The following NRIP1 variants were observed in gnomAD, a reference collection of about 807,000 sequenced individuals.
The protein encoded by NRIP1 is nuclear receptor interacting protein 1.
In NRIP1, 28 loss-of-function variants were observed where a neutral mutation model predicts 75.0. That is an observed-to-expected ratio of 0.37 (90% CI 0.28 to 0.51). The LOEUF (loss-of-function observed/expected upper bound fraction) is 0.51, where lower values mean the gene tolerates loss of function less well. NRIP1 is among the 20% of genes least tolerant of loss of function. NRIP1 has a pLI of 0.92. For missense variants in NRIP1, 1,435 were observed against 1,343.7 expected, an observed-to-expected ratio of 1.07 and a Z score of -1.06; for synonymous variants, 526 against 487.6, an observed-to-expected ratio of 1.08 and a Z score of -1.04.
intron 2 of NRIP1, among the ~76,000 whole-genome samples, chr21:15,019,955 C>T (rs911558003): frequency 6.6e-6 from 1 of 152,028 alleles, no homozygotes; most frequent in African/African-American, 2.4e-5. Flanking sequence ...CATGTGCACT[C>T]AAAACTACAA....
intron 2 of NRIP1, among the ~76,000 whole-genome samples, chr21:15,042,389 T>C (rs895271734): frequency 1.3e-5 from 2 of 152,220 alleles, no homozygotes; most frequent in Non-Finnish European, 2.9e-5. Flanking sequence ...ATGCCTTGGA[T>C]ATAGATCAAG....
At chr21:14,996,868 C>A (rs1342475210) in intron 3 of NRIP1, among the ~76,000 whole-genome samples, 1 of 151,350 alleles carries the variant, frequency 6.6e-6, no homozygotes, top group African/African-American at 2.4e-5. Context: ...AAATTATAAA[C>A]CAAATAAAGA....
rs115683735 is a variant in NRIP1, at chr21:14,990,504, C to T, written c.-334-21978G>A. On this transcript the variant is annotated intron_variant, in intron 3 of 3. Transcript: ENST00000318948. Reference sequence around the variant, plus strand: ...TGAGTAAGGATGAGAATTAATGAGGCAGTGTAGAGGGAATGTCTTTTCCCA... The same window carrying T: ...TGAGTAAGGATGAGAATTAATGAGGTAGTGTAGAGGGAATGTCTTTTCCCA... Among the ~76,000 whole-genome samples, 1,196 of 152,234 alleles carry T rather than the reference C, an allele frequency of 7.9e-3. 17 individuals carry two copies. The highest frequency in any genetic ancestry group is 0.027 in the African/African-American group (1,142 of 41,548).
At chr21:15,025,771 T>C (rs992021867) in intron 2 of NRIP1, among the ~76,000 whole-genome samples, 1 of 152,028 alleles carries the variant, frequency 6.6e-6, no homozygotes, top group Non-Finnish European at 1.5e-5. Flanking sequence ...GATCTAATCA[T>C]GAGGAAACAG....
chr21:15,000,740 GT>G (rs961783211), intron 3 of NRIP1, among the ~76,000 whole-genome samples: 2 of 152,032 alleles, frequency 1.3e-5, no homozygotes, highest in African/African-American at 4.8e-5. Flanking sequence ...TTTCTGATAT[GT>G]TTTTTCAATA....
chr21:14,968,631 C>T (rs1363115000), intron 3 of NRIP1, 105 bp from the exon 4 acceptor site: 3 of 155,034 alleles, frequency 1.9e-5, no homozygotes, highest in Non-Finnish European at 4.3e-5. Flanking sequence ...ATATATATTA[C>T]ATATAAATAA....
chr21:14,980,542 C>T (rs918023643), intron 3 of NRIP1, among the ~76,000 whole-genome samples: 3 of 150,434 alleles, frequency 2.0e-5, no homozygotes, highest in African/African-American at 7.4e-5. Context: ...CAAAATCATG[C>T]CTTTTGTTTT....
chr21:15,005,817 CA>C (rs1172748462), intron 3 of NRIP1, among the ~76,000 whole-genome samples: 2 of 152,118 alleles, frequency 1.3e-5, no homozygotes, highest in African/African-American at 4.8e-5. Context: ...CAGACAATCA[CA>C]AAGAATGGGG....
rs191245395 is a variant in NRIP1, at chr21:15,014,418, G to A, written c.-409C>T. The stretch of plus-strand genomic sequence containing the variant: ...AAGGCTGTTGAAAAGTAGCTCTGAT[G>A]TCATCCGGAGTCTTCAGATTCCCTG... On this transcript the variant is annotated 5_prime_UTR_variant, in exon 3 of 4. Transcript: ENST00000318948. 260 of 398,416 alleles carry A rather than the reference G, an allele frequency of 6.5e-4. No homozygotes were observed. Among genetic ancestry groups the A allele is most frequent in the African/African-American group, 4.4e-3 (214 of 48,746 alleles). The allele number at this position is 398,416 out of a possible 1,614,324, so 24.7% of individuals were successfully genotyped here. A position where few individuals can be genotyped will look rare whatever the true frequency, so the allele number is the denominator to read the frequency against.
chr21:15,022,983 G>A (rs1468354257), intron 2 of NRIP1, among the ~76,000 whole-genome samples: 2 of 152,192 alleles, frequency 1.3e-5, no homozygotes, highest in East Asian at 3.8e-4. Context: ...TAAAAATCAC[G>A]TGATCCCATT....
At chr21:15,023,543 G>A (rs1036838031) in intron 2 of NRIP1, among the ~76,000 whole-genome samples, 8 of 152,052 alleles carry the variant, frequency 5.3e-5, no homozygotes, top group Non-Finnish European at 1.0e-4. Flanking sequence ...TATATTGGAA[G>A]GCATTAACAA....
intron 1 of NRIP1, among the ~76,000 whole-genome samples, chr21:15,061,187 T>G (rs2089415978): frequency 6.6e-6 from 1 of 152,220 alleles, no homozygotes; most frequent in Admixed American, 6.5e-5. Context: ...ATTATTTTAA[T>G]GAAAATATTT....
chr21:15,017,746 G>T (rs1310080352), intron 2 of NRIP1, among the ~76,000 whole-genome samples: 1 of 152,092 alleles, frequency 6.6e-6, no homozygotes, highest in Non-Finnish European at 1.5e-5. Flanking sequence ...CTCAATTCAG[G>T]TAATGCAAAA....
intron 3 of NRIP1, among the ~76,000 whole-genome samples, chr21:14,999,124 C>T (rs757010648): frequency 6.6e-6 from 1 of 152,074 alleles, no homozygotes; most frequent in Non-Finnish European, 1.5e-5. Context: ...CTCGCCTCAA[C>T]CTCCCAAGTA....
At chr21:15,006,288 T>C (rs538329896) in intron 3 of NRIP1, among the ~76,000 whole-genome samples, 8 of 152,302 alleles carry the variant, frequency 5.3e-5, no homozygotes, top group Admixed American at 5.2e-4. Context: ...TACCAGTGCA[T>C]GGGCCAAAAG....
chr21:14,989,778 G>C (rs561774962), intron 3 of NRIP1, among the ~76,000 whole-genome samples: 139 of 151,810 alleles, frequency 9.2e-4, no homozygotes, highest in African/African-American at 3.3e-3. Context: ...AACATATATA[G>C]TCTATGTGTG....
chr21:15,012,447 C>CTTTGTTTTTT (rs2088126119), intron 3 of NRIP1, among the ~76,000 whole-genome samples: 1 of 79,366 alleles, frequency 1.3e-5, no homozygotes, highest in African/African-American at 5.1e-5. Context: ...ATTATAATGT[C>CTTTGTTTTTT]TTTTTTTTTT....
intron 2 of NRIP1, among the ~76,000 whole-genome samples, chr21:15,027,715 G>A (rs957032687): frequency 1.3e-5 from 2 of 152,096 alleles, no homozygotes; most frequent in African/African-American, 4.8e-5. Flanking sequence ...CTTAACATGA[G>A]AAATAGGTAA....
intron 1 of NRIP1, among the ~76,000 whole-genome samples, chr21:15,053,510 G>A (rs1218765459): frequency 1.3e-5 from 2 of 152,128 alleles, no homozygotes; most frequent in African/African-American, 4.8e-5. Context: ...AAGTTTGGGT[G>A]TCTGCTGAGG....
Sources: gnomAD v4.1 joint callset for allele counts (sites outside exome capture counted in the v4.1 genomes callset) on GRCh38, gnomAD v4.1.1 for gene constraint, MANE v1.5 for transcripts, NCBI Gene and HGNC (gene_info 2026-07-23, HGNC 2026-07-21) for gene names.